GDAP1: variants seen among roughly 807,000 people sequenced by gnomAD.
The protein encoded by GDAP1 is ganglioside-induced differentiation-associated protein 1.
GDAP1 carries 34 observed loss-of-function variants against 40.1 expected under a neutral mutation model. The observed-to-expected ratio is 0.85, with a 90% CI of 0.64 to 1.13. GDAP1 has a LOEUF of 1.13. Among genes scored for constraint, GDAP1 ranks in the 50% most tolerant of loss-of-function variants. The pLI is 0.00. For synonymous variants in GDAP1, 170 were observed against 157.4 expected (o/e 1.08, Z -0.60); for missense variants, 374 against 433.7 (o/e 0.86, Z 1.22).
intron 2 of GDAP1, among the ~76,000 whole-genome samples, 180 bp downstream of exon 2, chr8:74,351,646 T>C (rs998831038): frequency 3.3e-5 from 5 of 152,346 alleles, no homozygotes; most frequent in East Asian, 3.9e-4. Flanking sequence ...ACAAATTTTG[T>C]ATAGGCTAGT....
chr8:74,483,936 C>T (rs906722433), intron 2 of GDAP1, among the ~76,000 whole-genome samples: 1 of 152,142 alleles, frequency 6.6e-6, no homozygotes, highest in African/African-American at 2.4e-5. Context: ...CGGATTTCGA[C>T]AGGATGAAGT....
chr8:74,389,023 A>G (rs936914589), intron 2 of GDAP1, among the ~76,000 whole-genome samples: 3 of 151,670 alleles, frequency 2.0e-5, no homozygotes, highest in Non-Finnish European at 2.9e-5. Flanking sequence ...TTTGCTTTCC[A>G]TTTGCTTGGT....
intron 2 of GDAP1, among the ~76,000 whole-genome samples, chr8:74,471,833 G>T (rs560096767): frequency 6.6e-6 from 1 of 151,998 alleles, no homozygotes; most frequent in Non-Finnish European, 1.5e-5. Context: ...CATTATTGTT[G>T]TTCATATCAA....
chr8:74,399,200 G>GGTCAAAGAATGTAAGATAAA (rs1488002555), intron 2 of GDAP1, among the ~76,000 whole-genome samples: 39 of 150,562 alleles, frequency 2.6e-4, no homozygotes, highest in African/African-American at 9.3e-4. Flanking sequence ...TGGTTGGTAA[G>GGTCAAAGAATGTAAGATAAA]CTATTGATTA....
chr8:74,437,168 A>G (rs4428665), intron 2 of GDAP1, among the ~76,000 whole-genome samples: 49,531 of 152,096 alleles, frequency 0.33, 9,923 homozygotes, highest in Non-Finnish European at 0.44. Context: ...AATTCAAGTT[A>G]TTATTCATAC....
At chr8:74,361,329 T>G (rs1180084500) in intron 3 of GDAP1, among the ~76,000 whole-genome samples, 1 of 152,154 alleles carries the variant, frequency 6.6e-6, no homozygotes, top group East Asian at 1.9e-4. Context: ...TGTAAAGTGC[T>G]GGGCCTTGCT....
chr8:74,358,921 A>T (rs1002898337), intron 2 of GDAP1, among the ~76,000 whole-genome samples: 1 of 152,220 alleles, frequency 6.6e-6, no homozygotes, highest in Admixed American at 6.5e-5. Flanking sequence ...GAACTCACAG[A>T]TATGTTCATG....
At chr8:74,353,449 T>C (rs1808967938) in intron 2 of GDAP1, among the ~76,000 whole-genome samples, 1 of 152,196 alleles carries the variant, frequency 6.6e-6, no homozygotes, top group South Asian at 2.1e-4. Context: ...AAGGCTAAGT[T>C]ATATAAATCG....
intron 2 of GDAP1, among the ~76,000 whole-genome samples, chr8:74,433,719 A>G (rs1356341202): frequency 6.6e-6 from 1 of 152,104 alleles, no homozygotes; most frequent in Non-Finnish European, 1.5e-5. Context: ...GGCTATCGGG[A>G]GGTGATCTCT....
intron 2 of GDAP1, among the ~76,000 whole-genome samples, chr8:74,469,486 A>G (rs1367588591): frequency 4.6e-5 from 7 of 151,056 alleles, no homozygotes; most frequent in Middle Eastern, 3.2e-3. Context: ...GGCTAACACG[A>G]TGAAACCCCG....
intron 2 of GDAP1, among the ~76,000 whole-genome samples, chr8:74,385,911 T>C (rs1278949061): frequency 6.6e-6 from 1 of 152,194 alleles, no homozygotes; most frequent in Non-Finnish European, 1.5e-5. Context: ...CTCATTGTGG[T>C]TTTGATTTGC....
At chr8:74,456,726 C>T (rs1806340356) in intron 2 of GDAP1, among the ~76,000 whole-genome samples, 1 of 151,740 alleles carries the variant, frequency 6.6e-6, no homozygotes. Context: ...GATAGGAAAC[C>T]CACTATGCAA....
chr8:74,391,255 G>A (rs1446294505), intron 2 of GDAP1, among the ~76,000 whole-genome samples: 3 of 152,096 alleles, frequency 2.0e-5, no homozygotes, highest in Non-Finnish European at 4.4e-5. Context: ...AGCTAGCTTG[G>A]TGTCTGCCCA....
intron 2 of GDAP1, among the ~76,000 whole-genome samples, chr8:74,481,686 C>T (rs1427318548): frequency 3.9e-5 from 6 of 152,162 alleles, no homozygotes; most frequent in African/African-American, 1.4e-4. Flanking sequence ...GCTCATTACT[C>T]TGGAGGCTAA....
intron 4 of GDAP1, among the ~76,000 whole-genome samples, chr8:74,362,392 G>A (rs1347304694): frequency 6.6e-6 from 1 of 152,008 alleles, no homozygotes; most frequent in Non-Finnish European, 1.5e-5. Flanking sequence ...CCCGGGCCCA[G>A]CAACTATTGC....
intron 2 of GDAP1, among the ~76,000 whole-genome samples, chr8:74,398,168 G>A (rs1015388785): frequency 6.6e-6 from 1 of 151,956 alleles, no homozygotes; most frequent in Non-Finnish European, 1.5e-5. Context: ...GTCTGTTATT[G>A]GTGTATAAGA....
chr8:74,470,968 T>C (rs1363124994), intron 2 of GDAP1, among the ~76,000 whole-genome samples: 3 of 152,230 alleles, frequency 2.0e-5, no homozygotes, highest in Non-Finnish European at 4.4e-5. Flanking sequence ...TGGTATCTCA[T>C]TGTGGGTTTG....
chr8:74,480,140 C>A (rs1177727182), intron 2 of GDAP1, among the ~76,000 whole-genome samples: 1 of 152,018 alleles, frequency 6.6e-6, no homozygotes, highest in Non-Finnish European at 1.5e-5. Flanking sequence ...AGGCGCATGC[C>A]ACCACACCCA....
intron 2 of GDAP1, among the ~76,000 whole-genome samples, chr8:74,375,510 A>G (rs1809838285): frequency 6.6e-6 from 1 of 152,238 alleles, no homozygotes; most frequent in African/African-American, 2.4e-5. Context: ...TATTAACCAC[A>G]TTAACCAAAT....
Sources: allele counts gnomAD v4.1 joint callset (sites outside exome capture counted in the v4.1 genomes callset), GRCh38; gene constraint gnomAD v4.1.1; transcripts MANE v1.5; gene names NCBI Gene and HGNC (gene_info 2026-07-23, HGNC 2026-07-21).